NOX3: variants seen among roughly 807,000 people sequenced by gnomAD.
NOX3 encodes NADPH oxidase catalytic subunit-like 3.
Under a neutral mutation model 76.7 loss-of-function variants are expected in NOX3, and 74 were observed. The observed-to-expected ratio is 0.96, with a 90% CI of 0.80 to 1.17. NOX3 has a LOEUF of 1.17. Ranked by LOEUF, NOX3 falls within the 50% of genes most tolerant of loss-of-function variation. The pLI is 0.00. For missense variants in NOX3, 695 were observed against 703.3 expected (o/e 0.99, Z 0.13); for synonymous variants, 263 against 261.1 (o/e 1.01, Z -0.07).
At chr6:155,411,383 A>G in intron 10 of NOX3, 23 bp from the exon 11 acceptor site, 1 of 1,607,558 alleles carries the variant, frequency 6.2e-7, no homozygotes, top group Non-Finnish European at 8.5e-7. Context: ...AAGGCAAGTG[A>G]ACGGATCTAT....
intron 4 of NOX3, among the ~76,000 whole-genome samples, chr6:155,447,748 C>T (rs573921420): frequency 3.3e-5 from 5 of 152,148 alleles, no homozygotes; most frequent in Admixed American, 6.5e-5. Flanking sequence ...CTGCTTATGC[C>T]GATTTTGTTT....
At chr6:155,419,772 T>C (rs948438104) in intron 10 of NOX3, among the ~76,000 whole-genome samples, 23 of 152,124 alleles carry the variant, frequency 1.5e-4, no homozygotes, top group African/African-American at 5.6e-4. Context: ...TTTTGTAGGC[T>C]CCTGTATGAA....
chr6:155,440,164 A>G (rs1776964088), intron 5 of NOX3, 27 bp from the exon 6 acceptor site: 3 of 1,529,022 alleles, frequency 2.0e-6, no homozygotes, highest in South Asian at 2.5e-5. Flanking sequence ...CAACAAAAAA[A>G]GAAACAAACA....
intron 5 of NOX3, among the ~76,000 whole-genome samples, chr6:155,441,832 A>G (rs1172329974): frequency 6.6e-6 from 1 of 152,128 alleles, no homozygotes; most frequent in Admixed American, 6.5e-5. Flanking sequence ...CTTAGTGGGG[A>G]AAAACAGCAA....
At chr6:155,405,817 C>T (rs1003263960) in intron 12 of NOX3, among the ~76,000 whole-genome samples, 1 of 152,224 alleles carries the variant, frequency 6.6e-6, no homozygotes, top group African/African-American at 2.4e-5. Context: ...TCTCTGGCCT[C>T]TCCACCTCTG....
chr6:155,430,968 G>A lies in NOX3; in HGVS notation c.799-33C>T, dbSNP rs1364455853. ...GAGTAGCAGAGAGAGAGAGAAAAAG[G>A]AAATGAAAATAGAATCCAAATATTT... On this transcript the variant is annotated intron_variant, in intron 7 of 13. Coordinates refer to ENST00000159060, the MANE Select transcript of NOX3 (RefSeq NM_015718.3). 4 of 1,297,874 alleles carry A rather than the reference G, an allele frequency of 3.1e-6. No individual in the cohort carries two copies. The Admixed American group carries it at 5.5e-5, about 18-fold the overall frequency. The allele number at this position is 1,297,874 out of a possible 1,614,324, so 80.4% of individuals were successfully genotyped here.
chr6:155,407,295 A>C, intron 11 of NOX3, 41 bp from the exon 12 acceptor site: 1 of 1,545,966 alleles, frequency 6.5e-7, no homozygotes, highest in East Asian at 2.3e-5. Flanking sequence ...TTAGAAAAAA[A>C]AAATAAGACT....
At chr6:155,401,516 A>G (rs1779226167) in intron 12 of NOX3, among the ~76,000 whole-genome samples, 1 of 152,194 alleles carries the variant, frequency 6.6e-6, no homozygotes, top group Non-Finnish European at 1.5e-5. Context: ...TTTTGCACAT[A>G]TGCACATACA....
At chr6:155,404,163 A>C (rs1257505443) in intron 12 of NOX3, among the ~76,000 whole-genome samples, 1 of 151,830 alleles carries the variant, frequency 6.6e-6, no homozygotes, top group Non-Finnish European at 1.5e-5. Flanking sequence ...TAGCAACAAA[A>C]ACCCCTTGAG....
At chr6:155,417,773 T>A (rs1487168275) in intron 10 of NOX3, among the ~76,000 whole-genome samples, 1 of 151,732 alleles carries the variant, frequency 6.6e-6, no homozygotes, top group Non-Finnish European at 1.5e-5. Flanking sequence ...GTTTTATTAA[T>A]ATATTTTAGT....
intron 9 of NOX3, among the ~76,000 whole-genome samples, chr6:155,424,462 A>C (rs1776731367): frequency 6.6e-6 from 1 of 152,244 alleles, no homozygotes; most frequent in South Asian, 2.1e-4. Context: ...CATATGAACA[A>C]AGATATGCTA....
rs73567325 is a variant in NOX3, at chr6:155,422,946, A to G, written c.1146-90T>C. 4,318 of 1,379,452 alleles carry G rather than the reference A, an allele frequency of 3.1e-3. 114 individuals are homozygous for G. In the African/African-American group the frequency reaches 0.054, roughly 17 times the overall value. 85.5% of individuals were successfully genotyped at this position (1,379,452 alleles called of 1,614,324 possible). On this transcript the variant is annotated intron_variant, in intron 9 of 13. Transcript: ENST00000159060. ...ATCCGGAGCTGGTGCTTTTTACAGG[A>G]CGTGTTTGCCAGTGCATGCAGAGGT...
chr6:155,408,825 A>G (rs773684230), intron 11 of NOX3, among the ~76,000 whole-genome samples: 15 of 152,174 alleles, frequency 9.9e-5, no homozygotes, highest in Non-Finnish European at 1.6e-4. Context: ...GCTGGAGGCC[A>G]TTATCCTAAG....
At chr6:155,432,513 C>A (rs923041786) in intron 7 of NOX3, among the ~76,000 whole-genome samples, 2 of 152,202 alleles carry the variant, frequency 1.3e-5, no homozygotes, top group African/African-American at 4.8e-5. Flanking sequence ...TCATCTGGCT[C>A]TGTCTCTTCT....
At chr6:155,399,545 G>A (rs1039110513) in intron 12 of NOX3, among the ~76,000 whole-genome samples, 5 of 152,154 alleles carry the variant, frequency 3.3e-5, no homozygotes, top group African/African-American at 4.8e-5. Context: ...AAGGTGGAAA[G>A]GTCAGCCCTT....
chr6:155,397,822 G>T (rs1171536802), intron 12 of NOX3, among the ~76,000 whole-genome samples: 1 of 152,102 alleles, frequency 6.6e-6, no homozygotes, highest in East Asian at 1.9e-4. Context: ...TTCAAAGAAG[G>T]CCAGAAGGGA....
chr6:155,416,256 A>G (rs1776620179), intron 10 of NOX3, among the ~76,000 whole-genome samples: 1 of 152,242 alleles, frequency 6.6e-6, no homozygotes, highest in South Asian at 2.1e-4. Flanking sequence ...AACCAGCAGG[A>G]TGACAGAAGC....
intron 4 of NOX3, among the ~76,000 whole-genome samples, chr6:155,453,104 T>C (rs1777168209): frequency 2.0e-5 from 3 of 152,240 alleles, no homozygotes; most frequent in African/African-American, 7.2e-5. Flanking sequence ...TTATATTGAA[T>C]AACAAAGTGT....
At position 155,428,665 on chromosome 6, in the gene NOX3, C is replaced by T. The variant is rs142649251; in HGVS notation, c.1145+129G>A. 210 of 806,514 alleles carry T rather than the reference C, an allele frequency of 2.6e-4. 1 individual carries two copies. The African/African-American group carries it at 3.4e-3, about 13-fold the overall frequency. The allele number at this position is 806,514 out of a possible 1,614,324, so 50.0% of individuals were successfully genotyped here. On this transcript the variant is annotated intron_variant, in intron 9 of 13. Transcript: ENST00000159060. ...AAATTATACTTTTTACACACATTCT[C>T]AAATTTAGACACAGTCTCAAACTCA...
Sources: gnomAD v4.1 joint callset for allele counts (sites outside exome capture counted in the v4.1 genomes callset) on GRCh38, gnomAD v4.1.1 for gene constraint, MANE v1.5 for transcripts, NCBI Gene and HGNC (gene_info 2026-07-23, HGNC 2026-07-21) for gene names.